The following RNF170 variants were observed in gnomAD, a reference collection of about 807,000 sequenced individuals.
The protein encoded by RNF170 is ring finger protein 170, also known as E3 ubiquitin-protein ligase RNF170.
In RNF170, 12 loss-of-function variants were observed where a neutral mutation model predicts 32.7. That is an observed-to-expected ratio of 0.37 (90% confidence interval 0.24 to 0.60). The LOEUF is 0.60. Ranked by LOEUF, RNF170 falls within the 20% of genes least tolerant of loss-of-function variation. The probability of loss-of-function intolerance (pLI) is 0.72; values close to 1 mark genes in which losing one functional copy is unlikely to be tolerated. For synonymous variants in RNF170, 91 were observed against 103.6 expected, an observed-to-expected ratio of 0.88 and a Z score of 0.74; for missense variants, 212 against 311.2, an observed-to-expected ratio of 0.68 and a Z score of 2.40.
chr8:42,861,334 T>C (rs1803641700), intron 6 of RNF170: 1 of 160,476 alleles, frequency 6.2e-6, no homozygotes, highest in African/African-American at 2.4e-5. Context: ...TGAGATTTTT[T>C]TTTTTCTTTT....
intron 4 of RNF170, among the ~76,000 whole-genome samples, chr8:42,868,831 G>A (rs1586507072): frequency 2.7e-5 from 4 of 145,672 alleles, no homozygotes; most frequent in Admixed American, 2.1e-4. Flanking sequence ...CAGTCTGGGC[G>A]ACAAGGCGAG....
At chr8:42,893,459 G>T (rs535594261) in intron 1 of RNF170, among the ~76,000 whole-genome samples, 100 of 152,176 alleles carry the variant, frequency 6.6e-4, no homozygotes, top group Middle Eastern at 3.2e-3. Flanking sequence ...AAGTTCCAGA[G>T]TCAGACAGCC....
rs759284496 is a variant in RNF170 at position 42,870,094 on chromosome 8, G to C, written c.232C>G (p.Arg78Gly). ...QTEQDAPAATRQQFYTDMYCP... is the reference protein window; with the variant it reads ...QTEQDAPAATGQQFYTDMYCP... Reference sequence around the variant, plus strand: ...TACATGTCAGTGTAGAACTGCTGTCGAGTGGCAGCAGGTGCATCCTAATAA... The same window carrying C: ...TACATGTCAGTGTAGAACTGCTGTCCAGTGGCAGCAGGTGCATCCTAATAA... The change falls in exon 4 of 7, where the codon CGA becomes GGA. Residue 78 changes from arginine (R) to glycine (G), a missense_variant. Coordinates refer to ENST00000527424, the MANE Select transcript of RNF170 (RefSeq NM_030954.4). 1.9e-6 allele frequency: 3 copies of C among 1,613,580 alleles called. No homozygotes were observed. In the South Asian group the frequency reaches 3.3e-5, roughly 18 times the overall value.
Position 42,853,552 on chromosome 8 carries a change from C to T in RNF170, c.*2607G>A. ...CCGTCTTGTTCCCCACAGAGCTGCC[C>T]AAGTTATTATCTGCTCCTGGGGTTG... On this transcript the variant is annotated 3_prime_UTR_variant, in exon 7 of 7. Transcript: ENST00000527424. The T allele has an allele frequency of 7.8e-7, 1 of 1,287,092 alleles. No homozygotes were observed. The highest frequency in any genetic ancestry group is 1.0e-6 in the Non-Finnish European group (1 of 988,668). The allele number at this position is 1,287,092 out of a possible 1,614,324, so 79.7% of individuals were successfully genotyped here. A position where few individuals can be genotyped will look rare whatever the true frequency, so the allele number is the denominator to read the frequency against.
At chr8:42,850,635 G>T, downstream of RNF170, 1 of 843,138 alleles carries the variant, frequency 1.2e-6, no homozygotes, top group Non-Finnish European at 1.9e-6. Flanking sequence ...CTAGTGAGAA[G>T]CAGACAGACA....
chr8:42,896,231 G>A (rs1275630166), intron 1 of RNF170: 2 of 323,588 alleles, frequency 6.2e-6, no homozygotes, highest in African/African-American at 4.7e-5. Flanking sequence ...GAGCGGCGGT[G>A]TCCTCGCCGC....
chr8:42,894,718 C>T (rs1399322008), intron 1 of RNF170, among the ~76,000 whole-genome samples: 3 of 152,170 alleles, frequency 2.0e-5, no homozygotes, highest in Non-Finnish European at 4.4e-5. Context: ...GAGCCCGCCA[C>T]CACGCCCGGC....
chr8:42,871,810 C>T (rs1804543440), intron 3 of RNF170, among the ~76,000 whole-genome samples: 1 of 152,230 alleles, frequency 6.6e-6, no homozygotes, highest in African/African-American at 2.4e-5. Context: ...CTGCCCGCCT[C>T]AGCCTCCCAA....
At chr8:42,883,565 T>A (rs1255643628) in intron 2 of RNF170, among the ~76,000 whole-genome samples, 3 of 77,812 alleles carry the variant, frequency 3.9e-5, no homozygotes, top group Admixed American at 1.9e-4. Context: ...TGAGACTCTG[T>A]CTCAGAAAAA....
In RNF170 at chr8:42,854,197, G is replaced by A; in HGVS notation, c.*1962C>T. 2.3e-6 allele frequency: 3 copies of A among 1,287,178 alleles called. No individual in the cohort carries two copies. Among genetic ancestry groups the A allele is most frequent in the Non-Finnish European group, 3.0e-6 (3 of 988,696 alleles). 79.7% of individuals were successfully genotyped at this position (1,287,178 alleles called of 1,614,324 possible). A position where few individuals can be genotyped will look rare whatever the true frequency, so the allele number is the denominator to read the frequency against. ...CATCTCCACAGACCTTTCCTCTTAG[G>A]AGTGCCTAAGCTGTCTTACTCTGAT... On this transcript the variant is annotated 3_prime_UTR_variant, in exon 7 of 7. Transcript: ENST00000527424.
intron 1 of RNF170, among the ~76,000 whole-genome samples, chr8:42,892,086 T>C (rs1806350873): frequency 6.6e-6 from 1 of 152,162 alleles, no homozygotes; most frequent in Non-Finnish European, 1.5e-5. Flanking sequence ...TACACTGACC[T>C]AAGTGGCATG....
rs115084426 is a variant in RNF170, at chr8:42,858,766, G to A, written c.508-2338C>T. Among the ~76,000 whole-genome samples the A allele has an allele frequency of 5.0e-3, 762 of 152,316 alleles. 6 individuals are homozygous for A. Among genetic ancestry groups the A allele is most frequent in the African/African-American group, 0.017 (698 of 41,566 alleles). ...CTTAAGGTGGAAGGAGTTTGTGTGTGTGCTGAGAGCATAGAGCAGGGTGGC... is the reference window on the plus strand; with the variant it reads ...CTTAAGGTGGAAGGAGTTTGTGTGTATGCTGAGAGCATAGAGCAGGGTGGC... On this transcript the variant is annotated intron_variant, in intron 6 of 6. Transcript: ENST00000527424.
intron 2 of RNF170, among the ~76,000 whole-genome samples, chr8:42,885,705 T>C (rs1418311997): frequency 6.6e-6 from 1 of 152,216 alleles, no homozygotes; most frequent in African/African-American, 2.4e-5. Context: ...TTTTGGCCAT[T>C]TGTATGTCTT....
chr8:42,888,950 G>C (rs906350262), intron 1 of RNF170, among the ~76,000 whole-genome samples: 6 of 152,078 alleles, frequency 3.9e-5, no homozygotes, highest in Admixed American at 1.3e-4. Flanking sequence ...ATATATTATA[G>C]TTTTCTGTAA....
downstream of RNF170, chr8:42,849,714 G>A (rs1802894860): frequency 1.3e-5 from 2 of 152,236 alleles, no homozygotes; most frequent in Admixed American, 1.3e-4. Context: ...CTGTGCCTGT[G>A]TCTGATAAAG....
chr8:42,886,349 G>A (rs1362923833), intron 2 of RNF170, among the ~76,000 whole-genome samples: 2 of 152,184 alleles, frequency 1.3e-5, no homozygotes, highest in Admixed American at 6.5e-5. Context: ...CCTGCTTAGT[G>A]GAGTTCACTT....
chr8:42,892,318 A>G (rs1453181193), intron 1 of RNF170, among the ~76,000 whole-genome samples: 1 of 152,182 alleles, frequency 6.6e-6, no homozygotes, highest in African/African-American at 2.4e-5. Context: ...GGTGTGCACC[A>G]CTAAGCTCAG....
chr8:42,853,743 C>CG lies in RNF170; in HGVS notation c.*2415_*2416insC. ...ACTCTCAGATCCCTTCTGCATTTAT[C>CG]ATCAGAGATCGGTAAAGATGACAAC... On this transcript the variant is annotated 3_prime_UTR_variant, in exon 7 of 7. Coordinates refer to ENST00000527424, the MANE Select transcript of RNF170 (RefSeq NM_030954.4). The CG allele has an allele frequency of 7.8e-7, 1 of 1,287,186 alleles. No individual in the cohort carries two copies. Among genetic ancestry groups the CG allele is most frequent in the Non-Finnish European group, 1.0e-6 (1 of 988,676 alleles). The allele number at this position is 1,287,186 out of a possible 1,614,324, so 79.7% of individuals were successfully genotyped here. A position where few individuals can be genotyped will look rare whatever the true frequency, so the allele number is the denominator to read the frequency against.
intron 5 of RNF170, among the ~76,000 whole-genome samples, chr8:42,863,165 G>A (rs1215271167): frequency 2.0e-5 from 3 of 152,208 alleles, no homozygotes; most frequent in South Asian, 2.1e-4. Flanking sequence ...TTTGCCATCT[G>A]TCTTGCCTCC....
Sources: allele counts gnomAD v4.1 joint callset (sites outside exome capture counted in the v4.1 genomes callset), GRCh38; gene constraint gnomAD v4.1.1; transcripts MANE v1.5; gene names NCBI Gene and HGNC (gene_info 2026-07-23, HGNC 2026-07-21).